Variants in ADPRHL1 observed in about 807,000 individuals in gnomAD.
ADPRHL1 encodes the protein ADP-ribosylhydrolase like 1.
A neutral mutation model predicts 44.1 loss-of-function variants in ADPRHL1; 43 were observed. That is an observed-to-expected ratio of 0.98 (90% confidence interval 0.76 to 1.26). ADPRHL1 has a LOEUF of 1.26. Among genes scored for constraint, ADPRHL1 ranks in the 50% most tolerant of loss-of-function variants. The pLI is 0.00. For missense variants in ADPRHL1, 2,022 were observed against 2,496.9 expected, an observed-to-expected ratio of 0.81 and a Z score of 4.05; for synonymous variants, 878 against 1,017.4, an observed-to-expected ratio of 0.86 and a Z score of 2.61.
Position 113,407,617 on chromosome 13 carries a change from G to T in ADPRHL1, c.1665C>A (p.Phe555Leu), listed in dbSNP as rs113429647. 6,480 of 1,232,118 alleles carry T rather than the reference G, an allele frequency of 5.3e-3. 50 individuals are homozygous for T. Among genetic ancestry groups the T allele is most frequent in the Non-Finnish European group, 5.4e-3 (5,372 of 988,030 alleles). 76.3% of individuals were successfully genotyped at this position (1,232,118 alleles called of 1,614,324 possible). ...SSVLSKLREKFEQNSCLCSEA... is the reference protein window; with the variant it reads ...SSVLSKLREKLEQNSCLCSEA... The stretch of plus-strand genomic sequence containing the variant: ...CGGAGCACAGGCAGCTGTTCTGCTC[G>T]AACTTCTCCCGCAGCTTGGACAGCA... The change falls in exon 8 of 8, where the codon TTC becomes TTA. Residue 555 changes from phenylalanine to leucine, a missense_variant. Phe to Leu is a conservative substitution (Grantham distance 22, BLOSUM62 0). Transcript: ENST00000612156.
At chr13:113,432,028 T>C (rs1199664837) in intron 3 of ADPRHL1, among the ~76,000 whole-genome samples, 1 of 151,982 alleles carries the variant, frequency 6.6e-6, no homozygotes, top group African/African-American at 2.4e-5. Context: ...GTGAAATAAT[T>C]TTTAAAATAT....
rs61968971 is a variant in ADPRHL1, at chr13:113,422,986, C to T, written c.908-7G>A. The T allele has an allele frequency of 1.0e-4, 167 of 1,612,666 alleles. 1 individual carries two copies. Among genetic ancestry groups the T allele is most frequent in the South Asian group, 9.3e-4 (85 of 91,072 alleles). On this transcript the variant is annotated splice_polypyrimidine_tract_variant and splice_region_variant and intron_variant, in intron 6 of 7. Transcript: ENST00000612156. Reference sequence around the variant, plus strand: ...CCCGTGGCCGCGCTCTCCCCTGAAACGCAAAGGCAGCAGTTGCAGTGGGCT... The same window carrying T: ...CCCGTGGCCGCGCTCTCCCCTGAAATGCAAAGGCAGCAGTTGCAGTGGGCT...
At chr13:113,411,638 G>A (rs151313466) in intron 7 of ADPRHL1, among the ~76,000 whole-genome samples, 549 of 152,340 alleles carry the variant, frequency 3.6e-3, no homozygotes, top group Admixed American at 8.2e-3. Context: ...CAGAGATCAG[G>A]ATGCTCTTCT....
At chr13:113,430,773 G>A (rs565169771) in intron 3 of ADPRHL1, among the ~76,000 whole-genome samples, 46 of 152,106 alleles carry the variant, frequency 3.0e-4, no homozygotes, top group African/African-American at 1.0e-3. Flanking sequence ...TAGTGGTGGC[G>A]GTGACAGTGT....
rs966104830 is a variant in ADPRHL1, at chr13:113,399,979, G to A, written c.*3399C>T. The A allele has an allele frequency of 2.0e-5, 3 of 151,594 alleles. No individual in the cohort carries two copies. Among genetic ancestry groups the A allele is most frequent in the African/African-American group, 7.3e-5 (3 of 41,264 alleles). The allele number at this position is 151,594 out of a possible 1,614,324, so 9.4% of individuals were successfully genotyped here. ...GTGCACCGCCTCCCGCCCGGCTGTT[G>A]TCACTTGCACCCACAGACCTGCGGC... On this transcript the variant is annotated 3_prime_UTR_variant, in exon 8 of 8. Transcript: ENST00000612156.
chr13:113,409,408 G>C lies in ADPRHL1; in HGVS notation c.1062-1188C>G. On this transcript the variant is annotated intron_variant, in intron 7 of 7. Transcript: ENST00000612156. The surrounding 1 kb of genome is among the most constrained non-coding windows in gnomAD (Gnocchi z 4.2). ...TCAGGGATGAGGAACAAAGACTCGA[G>C]TATTACAGGAAAAGTCGCCTTCATG... 4.1e-6 allele frequency: 4 copies of C among 985,394 alleles called. No homozygotes were observed. Among genetic ancestry groups the C allele is most frequent in the Non-Finnish European group, 4.8e-6 (4 of 829,922 alleles). The allele number at this position is 985,394 out of a possible 1,614,324, so 61.0% of individuals were successfully genotyped here. A position where few individuals can be genotyped will look rare whatever the true frequency, so the allele number is the denominator to read the frequency against.
At chr13:113,419,038 C>CCCCTTCCCTTCCTTCTTTTCCTTCCCT (rs2043901482) in intron 7 of ADPRHL1, among the ~76,000 whole-genome samples, 1 of 36,930 alleles carries the variant, frequency 2.7e-5, no homozygotes, top group Non-Finnish European at 7.6e-5. Context: ...CCCTTCCCCT[C>CCCCTTCCCTTCCTTCTTTTCCTTCCCT]CCCTTCCCTT....
At chr13:113,439,956 TTGTC>T (rs1221352425) in intron 2 of ADPRHL1, among the ~76,000 whole-genome samples, 1 of 152,248 alleles carries the variant, frequency 6.6e-6, no homozygotes, top group African/African-American at 2.4e-5. Context: ...TAGTGATGAT[TTGTC>T]TTTCTCTTTT....
intron 7 of ADPRHL1, among the ~76,000 whole-genome samples, chr13:113,415,213 G>A (rs989742271): frequency 1.3e-5 from 2 of 152,320 alleles, no homozygotes; most frequent in African/African-American, 2.4e-5. Flanking sequence ...CTAGAGGGAC[G>A]AGAGCCCTTC....
Position 113,403,870 on chromosome 13 carries a change from A to G in ADPRHL1, c.5412T>C (p.Gly1804=), listed in dbSNP as rs2043782880. The change falls in exon 8 of 8, where the codon GGT becomes GGC. Residue 1804 remains glycine, a synonymous_variant. Coordinates refer to ENST00000612156, the MANE Select transcript of ADPRHL1 (RefSeq NM_001394807.1). Reference sequence around the variant, plus strand: ...TCCCACTTGTCAAGGCCTGTTCCCGACCCTGTTCCCAAGCCCGTTCCTGAG... The same window carrying G: ...TCCCACTTGTCAAGGCCTGTTCCCGGCCCTGTTCCCAAGCCCGTTCCTGAG... ...KGAQERAWEQ[G]REQALTSGMA... 1.6e-6 allele frequency: 2 copies of G among 1,257,202 alleles called. No individual in the cohort carries two copies. Among genetic ancestry groups the G allele is most frequent in the Non-Finnish European group, 9.9e-7 (1 of 1,005,628 alleles). 77.9% of individuals were successfully genotyped at this position (1,257,202 alleles called of 1,614,324 possible).
At chr13:113,420,553 G>C (rs1595542227) in intron 7 of ADPRHL1, among the ~76,000 whole-genome samples, 1 of 152,066 alleles carries the variant, frequency 6.6e-6, no homozygotes. Context: ...TTCTTTTCCT[G>C]AAAGGTAATT....
At chr13:113,421,540 T>C (rs2043922954) in intron 7 of ADPRHL1, among the ~76,000 whole-genome samples, 2 of 152,124 alleles carry the variant, frequency 1.3e-5, no homozygotes, top group African/African-American at 4.8e-5. Context: ...GTCATTTCCA[T>C]CAAGGGGAGG....
At chr13:113,435,486 G>A (rs1171207503) in intron 2 of ADPRHL1, among the ~76,000 whole-genome samples, 13 of 88,080 alleles carry the variant, frequency 1.5e-4, no homozygotes, top group Admixed American at 2.3e-4. Flanking sequence ...CGGCACCCAG[G>A]TGTAGAGTGA....
At chr13:113,428,477 C>T (rs1566474497) in intron 4 of ADPRHL1, among the ~76,000 whole-genome samples, 1 of 152,326 alleles carries the variant, frequency 6.6e-6, no homozygotes, top group African/African-American at 2.4e-5. Flanking sequence ...AAGAATCTTC[C>T]GGAACCGTCA....
At chr13:113,413,618 C>T (rs1454188773) in intron 7 of ADPRHL1, among the ~76,000 whole-genome samples, 1 of 152,226 alleles carries the variant, frequency 6.6e-6, no homozygotes, top group East Asian at 1.9e-4. Context: ...TGAGTGAACG[C>T]GTCCTCATGC....
At position 113,405,585 on chromosome 13, in the gene ADPRHL1, A is replaced by C; in HGVS notation, c.3697T>G (p.Ser1233Ala). Residue 1233 changes from serine to alanine, a missense_variant, in exon 8 of 8, where the codon TCA becomes GCA. This residue lies in a region of ADPRHL1 where 1,221 missense variants were observed against 1,517.8 expected (regional missense o/e 0.80). Coordinates refer to ENST00000612156, the MANE Select transcript of ADPRHL1 (RefSeq NM_001394807.1). ...GCTGCTGTATGTCTGCTGGCTGCTG[A>C]TGTGTTTGAAATGTATAATCGGGCC... ...EAARLYISNT[S>A]AASRHTAAVG... 3 of 1,232,082 alleles carry C rather than the reference A, an allele frequency of 2.4e-6. No homozygotes were observed. Among genetic ancestry groups the C allele is most frequent in the Non-Finnish European group, 3.0e-6 (3 of 988,278 alleles). 76.3% of individuals were successfully genotyped at this position (1,232,082 alleles called of 1,614,324 possible).
At position 113,441,297 on chromosome 13, in the gene ADPRHL1, T is replaced by C. The variant is rs2044096798; in HGVS notation, c.379+3128A>G. ...CATTATTATTATCTTGTTTGTTTTC[T>C]ACCTGTACTGTCTAGTATTTGTCCC... On this transcript the variant is annotated intron_variant, in intron 2 of 7. Transcript: ENST00000612156. The surrounding 1 kb of genome is among the most constrained non-coding windows in gnomAD (Gnocchi z 6.0). Among the ~76,000 whole-genome samples the C allele has an allele frequency of 6.6e-6, 1 of 152,232 alleles. No individual in the cohort carries two copies. The highest frequency in any genetic ancestry group is 6.5e-5 in the Admixed American group (1 of 15,284).
At position 113,403,514 on chromosome 13, in the gene ADPRHL1, G is replaced by C; in HGVS notation, c.5768C>G (p.Ser1923Trp). ...ERALQDRMEA[S>W]EPERRGRSRH... The stretch of plus-strand genomic sequence containing the variant: ...GGACCTCCCGCGACGCTCGGGCTCC[G>C]ATGCCTCCATCCTGTCCTGCAGGGC... Residue 1923 changes from serine to tryptophan, a missense_variant, in exon 8 of 8, where the codon TCG becomes TGG. Ser to Trp is a radical substitution (Grantham distance 177). Coordinates refer to ENST00000612156, the MANE Select transcript of ADPRHL1 (RefSeq NM_001394807.1). 2 of 1,232,012 alleles carry C rather than the reference G, an allele frequency of 1.6e-6. No homozygotes were observed. Among genetic ancestry groups the C allele is most frequent in the Non-Finnish European group, 1.0e-6 (1 of 988,026 alleles). The allele number at this position is 1,232,012 out of a possible 1,614,324, so 76.3% of individuals were successfully genotyped here.
At chr13:113,434,773 C>T (rs368556363) in intron 2 of ADPRHL1, among the ~76,000 whole-genome samples, 11 of 66,630 alleles carry the variant, frequency 1.7e-4, no homozygotes, top group East Asian at 4.8e-4. Flanking sequence ...AGCACCCAGG[C>T]GTAGAGTGAA....
Sources: allele counts gnomAD v4.1 joint callset (sites outside exome capture counted in the v4.1 genomes callset), GRCh38; gene constraint gnomAD v4.1.1; regional missense constraint gnomAD v4.1.1; non-coding constraint Gnocchi (gnomAD v3.1); transcripts MANE v1.5; gene names NCBI Gene and HGNC (gene_info 2026-07-23, HGNC 2026-07-21).